SLC35F1: variants seen among roughly 807,000 people sequenced by gnomAD.
The protein encoded by SLC35F1 is solute carrier family 35 member F1.
Under a neutral mutation model 48.7 loss-of-function variants are expected in SLC35F1, and 14 were observed. The ratio of observed to expected loss-of-function variants is 0.29; its 90% CI spans 0.19 to 0.45. The LOEUF is 0.45. Among genes scored for constraint, SLC35F1 ranks in the 20% least tolerant of loss-of-function variants. The pLI, the probability that SLC35F1 is intolerant of heterozygous loss-of-function variation, is 1.00. For missense variants in SLC35F1, 404 were observed against 500.0 expected, an observed-to-expected ratio of 0.81 and a Z score of 1.83; for synonymous variants, 190 against 202.2, an observed-to-expected ratio of 0.94 and a Z score of 0.51.
chr6:118,274,953 A>T (rs1205039982), intron 4 of SLC35F1, among the ~76,000 whole-genome samples: 1 of 152,168 alleles, frequency 6.6e-6, no homozygotes, highest in Non-Finnish European at 1.5e-5. Flanking sequence ...GTTCTATGCC[A>T]TGTTCACTAA....
At chr6:118,233,896 G>A (rs957430310) in intron 2 of SLC35F1, among the ~76,000 whole-genome samples, 4 of 152,182 alleles carry the variant, frequency 2.6e-5, no homozygotes, top group Non-Finnish European at 5.9e-5. Flanking sequence ...AGAGTAGGCT[G>A]GCAAACTGAT....
At chr6:118,272,536 T>C (rs1763451623) in intron 4 of SLC35F1, among the ~76,000 whole-genome samples, 1 of 152,138 alleles carries the variant, frequency 6.6e-6, no homozygotes, top group Non-Finnish European at 1.5e-5. Context: ...TAATATTTTA[T>C]ATGTTATTAA....
intron 1 of SLC35F1, among the ~76,000 whole-genome samples, chr6:118,139,948 G>C (rs553941613): frequency 9.9e-5 from 15 of 152,106 alleles, no homozygotes; most frequent in Non-Finnish European, 2.2e-4. Flanking sequence ...TCGAGTTATA[G>C]TGTTTATTTT....
intron 1 of SLC35F1, among the ~76,000 whole-genome samples, chr6:118,060,388 T>C (rs1464460075): frequency 6.6e-6 from 1 of 152,068 alleles, no homozygotes; most frequent in East Asian, 1.9e-4. Flanking sequence ...AATTTGAGTC[T>C]ACATCTGATG....
chr6:118,073,581 C>G (rs1051986129), intron 1 of SLC35F1, among the ~76,000 whole-genome samples: 7 of 152,156 alleles, frequency 4.6e-5, no homozygotes, highest in African/African-American at 1.7e-4. Context: ...TGTCTATATA[C>G]TTAGGTATAC....
chr6:118,043,221 C>G (rs1436845962), intron 1 of SLC35F1, among the ~76,000 whole-genome samples: 2 of 152,060 alleles, frequency 1.3e-5, no homozygotes, highest in Non-Finnish European at 2.9e-5. Flanking sequence ...AAATAAAAAT[C>G]ACTTTAACAT....
chr6:118,274,772 C>T (rs1775899203), intron 4 of SLC35F1, among the ~76,000 whole-genome samples: 1 of 152,210 alleles, frequency 6.6e-6, no homozygotes, highest in Admixed American at 6.5e-5. Flanking sequence ...TATATTTACA[C>T]TCTTATGTTA....
chr6:117,960,146 G>A (rs532179755), intron 1 of SLC35F1, among the ~76,000 whole-genome samples: 87 of 152,056 alleles, frequency 5.7e-4, no homozygotes, highest in African/African-American at 2.0e-3. Context: ...CCCTGCCTTC[G>A]AGGAACTGAT....
At chr6:118,309,657 GT>G (rs1266393955) in intron 7 of SLC35F1, among the ~76,000 whole-genome samples, 1 of 152,152 alleles carries the variant, frequency 6.6e-6, no homozygotes, top group Non-Finnish European at 1.5e-5. Context: ...AAACCACATG[GT>G]TTTCTACTTG....
chr6:117,999,271 T>G, intron 1 of SLC35F1: 1 of 1,596,224 alleles, frequency 6.3e-7, no homozygotes, highest in Non-Finnish European at 8.5e-7. Context: ...ATGCCTACGT[T>G]GCCCACCCCA....
intron 1 of SLC35F1, among the ~76,000 whole-genome samples, chr6:118,018,504 A>C (rs1431538783): frequency 6.6e-6 from 1 of 152,156 alleles, no homozygotes; most frequent in Admixed American, 6.5e-5. Context: ...TAGATTGGCA[A>C]ATTATGTACA....
intron 3 of SLC35F1, among the ~76,000 whole-genome samples, chr6:118,241,605 G>GTGTC (rs1053794773): frequency 6.6e-6 from 1 of 151,302 alleles, no homozygotes; most frequent in Non-Finnish European, 1.5e-5. Flanking sequence ...GTGTGTGTGT[G>GTGTC]TGTCTGTGTA....
At chr6:118,085,370 CCTT>C (rs1490885327) in intron 1 of SLC35F1, among the ~76,000 whole-genome samples, 1 of 152,012 alleles carries the variant, frequency 6.6e-6, no homozygotes, top group African/African-American at 2.4e-5. Context: ...AAAATAACAT[CCTT>C]CTCACAAATT....
chr6:118,013,996 AC>A (rs1777287137), intron 1 of SLC35F1, among the ~76,000 whole-genome samples: 2 of 152,212 alleles, frequency 1.3e-5, no homozygotes, highest in African/African-American at 4.8e-5. Flanking sequence ...TAGAAAAAAT[AC>A]AGAATAATCT....
At chr6:118,266,873 C>A in intron 3 of SLC35F1, 122 bp from the exon 4 acceptor site, 1 of 1,059,268 alleles carries the variant, frequency 9.4e-7, no homozygotes, top group Non-Finnish European at 1.4e-6. Context: ...TGGGTCTACA[C>A]AAAATCTCAG....
intron 1 of SLC35F1, among the ~76,000 whole-genome samples, chr6:117,947,721 G>A (rs1776312800): frequency 6.6e-6 from 1 of 152,172 alleles, no homozygotes; most frequent in East Asian, 1.9e-4. Flanking sequence ...CAGTGAGCAG[G>A]TGTGGGGGAG....
At chr6:118,131,919 C>G (rs182532169) in intron 1 of SLC35F1, among the ~76,000 whole-genome samples, 1 of 151,810 alleles carries the variant, frequency 6.6e-6, no homozygotes, top group Admixed American at 6.6e-5. Context: ...ACAGGTTTTT[C>G]TAGAAATAAG....
intron 1 of SLC35F1, among the ~76,000 whole-genome samples, chr6:118,088,755 G>A (rs1390632166): frequency 6.6e-6 from 1 of 152,166 alleles, no homozygotes; most frequent in African/African-American, 2.4e-5. Flanking sequence ...ACACCAGACT[G>A]ATCAAGTCTT....
intron 1 of SLC35F1, among the ~76,000 whole-genome samples, chr6:118,147,530 G>A (rs756980845): frequency 1.3e-5 from 2 of 152,156 alleles, no homozygotes; most frequent in Non-Finnish European, 2.9e-5. Flanking sequence ...TCATACACAC[G>A]TGTCAATCAT....
Sources: gnomAD v4.1 joint callset for allele counts (sites outside exome capture counted in the v4.1 genomes callset) on GRCh38, gnomAD v4.1.1 for gene constraint, MANE v1.5 for transcripts, NCBI Gene and HGNC (gene_info 2026-07-23, HGNC 2026-07-21) for gene names.